Variants in DNAH9 observed in about 807,000 individuals in gnomAD.
DNAH9 encodes the protein DNAH9 variant protein.
A neutral mutation model predicts 471.6 loss-of-function variants in DNAH9; 345 were observed. That is an observed-to-expected ratio of 0.73 (90% CI 0.67 to 0.80). DNAH9 has a LOEUF of 0.80. Ranked by LOEUF, DNAH9 falls within the 30% of genes least tolerant of loss-of-function variation. DNAH9 has a pLI of 0.00. For missense variants in DNAH9, 5,407 were observed against 5,609.2 expected (o/e 0.96, Z 1.15); for synonymous variants, 2,093 against 2,123.6 (o/e 0.99, Z 0.40).
chr17:11,757,841 A>G, intron 35 of DNAH9, 149 bp downstream of exon 35: 1 of 811,670 alleles, frequency 1.2e-6, no homozygotes. Flanking sequence ...GGCAAAGGGG[A>G]CACACATTAG....
At chr17:11,601,122 C>T (rs749941014) in intron 1 of DNAH9, among the ~76,000 whole-genome samples, 4 of 152,168 alleles carry the variant, frequency 2.6e-5, no homozygotes, top group Non-Finnish European at 5.9e-5. Context: ...CACCGCCTAT[C>T]GTCATATGCG....
At chr17:11,928,701 A>AG (rs2151033312) in intron 62 of DNAH9, among the ~76,000 whole-genome samples, 1 of 152,380 alleles carries the variant, frequency 6.6e-6, no homozygotes, top group Non-Finnish European at 1.5e-5. Context: ...GCAATGACTC[A>AG]GTGTGTTTCA....
At chr17:11,659,048 G>A (rs1167212115) in intron 14 of DNAH9, among the ~76,000 whole-genome samples, 1 of 152,258 alleles carries the variant, frequency 6.6e-6, no homozygotes, top group Non-Finnish European at 1.5e-5. Context: ...GAAAAAGTTT[G>A]TGGAAGGTTG....
intron 26 of DNAH9, among the ~76,000 whole-genome samples, chr17:11,711,683 G>T (rs1229119860): frequency 6.6e-6 from 1 of 150,762 alleles, no homozygotes; most frequent in Admixed American, 6.7e-5. Flanking sequence ...GTTTTTGATT[G>T]GCATGCCTTA....
chr17:11,660,015 A>AT (rs1409442146), intron 14 of DNAH9, among the ~76,000 whole-genome samples: 2 of 151,996 alleles, frequency 1.3e-5, no homozygotes, highest in South Asian at 2.1e-4. Context: ...TTTGCTAGAG[A>AT]TTTTTTCTTT....
intron 49 of DNAH9, 55 bp downstream of exon 49, chr17:11,834,953 G>GACC (rs1034228146): frequency 2.2e-4 from 349 of 1,576,320 alleles, no homozygotes; most frequent in Non-Finnish European, 3.5e-5. Context: ...TAGACGCAGA[G>GACC]ACCACCTTGG....
intron 22 of DNAH9, among the ~76,000 whole-genome samples, chr17:11,695,078 C>A (rs564651106): frequency 6.6e-6 from 1 of 150,770 alleles, no homozygotes; most frequent in Admixed American, 6.6e-5. Context: ...TTAGTAGAGA[C>A]GGGGTTTCAC....
chr17:11,811,235 C>T (rs1969886526), intron 45 of DNAH9, among the ~76,000 whole-genome samples: 2 of 152,020 alleles, frequency 1.3e-5, no homozygotes, highest in Admixed American at 6.6e-5. Flanking sequence ...ATCGCTTGAA[C>T]CTGGAAGGCG....
rs1487149476 is a variant in DNAH9, at chr17:11,854,273, T to C, written c.9778T>C (p.Tyr3260His). The change falls in exon 50 of 69, where the codon TAT (tyrosine) becomes CAT (histidine). Residue 3260 changes from tyrosine to histidine, a missense_variant. Physicochemically the swap from Tyr to His is moderately conservative, Grantham distance 83 (BLOSUM62 2). This residue lies in a region of DNAH9 where 4,636 missense variants were observed against 4,900.3 expected (regional missense o/e 0.95). Coordinates refer to ENST00000262442, the MANE Select transcript of DNAH9 (RefSeq NM_001372.4). ...TCCTGAGTTTGTGGCCACCAAATCCTATGCGGCTGCAGGCCTCTGCTCCTG... is the reference window on the plus strand; with the variant it reads ...TCCTGAGTTTGTGGCCACCAAATCCCATGCGGCTGCAGGCCTCTGCTCCTG... ...FNPEFVATKS[Y>H]AAAGLCSWVI... 2 of 1,614,202 alleles carry C rather than the reference T, an allele frequency of 1.2e-6. No homozygotes were observed. The highest frequency in any genetic ancestry group is 2.2e-5 in the East Asian group (1 of 44,884).
At chr17:11,862,079 G>T (rs191233100) in intron 50 of DNAH9, among the ~76,000 whole-genome samples, 4 of 122,450 alleles carry the variant, frequency 3.3e-5, no homozygotes, top group African/African-American at 1.2e-4. Context: ...TGGTGTTTTA[G>T]ACGTGAAGTC....
At chr17:11,820,542 G>A (rs925639438) in intron 45 of DNAH9, among the ~76,000 whole-genome samples, 3 of 152,100 alleles carry the variant, frequency 2.0e-5, no homozygotes, top group African/African-American at 7.2e-5. Context: ...GTTCTTATGA[G>A]TGAGGTGAAG....
chr17:11,666,251 C>T (rs1002456632), intron 15 of DNAH9, among the ~76,000 whole-genome samples: 7 of 152,126 alleles, frequency 4.6e-5, no homozygotes, highest in East Asian at 1.9e-4. Flanking sequence ...ACTAAGCCCT[C>T]CCTAGAGAAT....
In DNAH9 at chr17:11,669,083, C is replaced by G. The variant is rs541949805; in HGVS notation, c.2751C>G (p.Thr917=). 1.2e-6 allele frequency: 2 copies of G among 1,612,670 alleles called. No homozygotes were observed. The highest frequency in any genetic ancestry group is 2.7e-5 in the African/African-American group (2 of 74,896). The stretch of plus-strand genomic sequence containing the variant: ...TTTCAGAGTGTAAGGCAGGACTTAC[C>G]CCAATATTTGAAGCACAACTGAGTC... ...LENTECKAGL[T]PIFEAQLSLA... The change falls in exon 16 of 69, where the codon ACC becomes ACG. Residue 917 remains threonine (T), a synonymous_variant. Transcript: ENST00000262442.
intron 27 of DNAH9, among the ~76,000 whole-genome samples, chr17:11,727,030 A>T (rs1031005751): frequency 2.1e-5 from 3 of 141,230 alleles, no homozygotes; most frequent in Admixed American, 1.4e-4. Context: ...CCTGGGCAAC[A>T]GAGTGAGACT....
chr17:11,710,252 A>G (rs1331038841), intron 26 of DNAH9, among the ~76,000 whole-genome samples: 1 of 152,180 alleles, frequency 6.6e-6, no homozygotes, highest in African/African-American at 2.4e-5. Context: ...TAAGTATCCC[A>G]TAATTTATGT....
At chr17:11,677,830 ACTG>A (rs1181820772) in intron 17 of DNAH9, among the ~76,000 whole-genome samples, 1 of 151,914 alleles carries the variant, frequency 6.6e-6, no homozygotes, top group Non-Finnish European at 1.5e-5. Context: ...AATGCTTACC[ACTG>A]CTATTTTAAT....
intron 36 of DNAH9, among the ~76,000 whole-genome samples, chr17:11,766,348 G>A (rs538201569): frequency 1.3e-5 from 2 of 151,156 alleles, no homozygotes; most frequent in African/African-American, 2.4e-5. Flanking sequence ...GCAGCCCTTA[G>A]AGAGAACAAT....
intron 41 of DNAH9, among the ~76,000 whole-genome samples, chr17:11,785,607 G>A (rs1968839404): frequency 6.6e-6 from 1 of 152,072 alleles, no homozygotes; most frequent in African/African-American, 2.4e-5. Context: ...GAATCAATGA[G>A]CCCCTCAGAA....
At chr17:11,947,633 T>TTA (rs1361406165) in intron 67 of DNAH9, among the ~76,000 whole-genome samples, 1 of 152,196 alleles carries the variant, frequency 6.6e-6, no homozygotes, top group Non-Finnish European at 1.5e-5. Flanking sequence ...TTTGGTTTTT[T>TTA]ACTTTTAAAA....
Sources: gnomAD v4.1 joint callset for allele counts (sites outside exome capture counted in the v4.1 genomes callset) on GRCh38, gnomAD v4.1.1 for gene constraint, gnomAD v4.1.1 regional missense constraint, MANE v1.5 for transcripts, NCBI Gene and HGNC (gene_info 2026-07-23, HGNC 2026-07-21) for gene names.